The following PRKN variants were observed in gnomAD, a reference collection of about 807,000 sequenced individuals.
PRKN encodes the protein E3 ubiquitin-protein ligase parkin.
Under a neutral mutation model 59.5 loss-of-function variants are expected in PRKN, and 56 were observed. That is an observed-to-expected ratio of 0.94 (90% CI 0.76 to 1.18). The LOEUF is 1.18. Among genes scored for constraint, PRKN ranks in the 50% most tolerant of loss-of-function variants. The pLI, the probability that PRKN is intolerant of heterozygous loss-of-function variation, is 0.00. For synonymous variants in PRKN, 250 were observed against 222.1 expected (o/e 1.13, Z -1.12); for missense variants, 657 against 596.4 (o/e 1.10, Z -1.06).
chr6:161,535,642 A>G (rs1330350166), intron 9 of PRKN, among the ~76,000 whole-genome samples: 1 of 152,200 alleles, frequency 6.6e-6, no homozygotes, highest in Non-Finnish European at 1.5e-5. Context: ...TCTCTGTCGG[A>G]ATACGAGTAC....
chr6:161,525,822 T>C lies in PRKN; in HGVS notation c.1083+23032A>G, dbSNP rs1216896918. Among the ~76,000 whole-genome samples, 3 of 152,190 alleles carry C rather than the reference T, an allele frequency of 2.0e-5. No homozygotes were observed. Among genetic ancestry groups the C allele is most frequent in the Non-Finnish European group, 2.9e-5 (2 of 68,030 alleles). ...TTCTGTATACTACTTGGCTATAGAA[T>C]AGCCTACAGATATAATAAAAAATAA... On this transcript the variant is annotated intron_variant, in intron 9 of 11. Transcript: ENST00000366898. This position sits in a 1 kb window ranked among gnomAD's most constrained non-coding sequence, Gnocchi z 4.7.
intron 4 of PRKN, among the ~76,000 whole-genome samples, chr6:162,108,106 G>T (rs1780271422): frequency 6.6e-6 from 1 of 152,228 alleles, no homozygotes; most frequent in Non-Finnish European, 1.5e-5. Context: ...CGTTCAGTTT[G>T]CTCCAAACAT....
rs143006526 is a variant in PRKN, at chr6:161,885,833, G to A, written c.734+87469C>T. On this transcript the variant is annotated intron_variant, in intron 6 of 11. Coordinates refer to ENST00000366898, the MANE Select transcript of PRKN (RefSeq NM_004562.3). ...AATTACTGATATTCACTGTGCAGGT[G>A]GACACTGGCTCCATCATTCAGACTC... Among the ~76,000 whole-genome samples, 227 of 152,216 alleles carry A rather than the reference G, an allele frequency of 1.5e-3. 1 individual carries two copies. Among genetic ancestry groups the A allele is most frequent in the African/African-American group, 5.0e-3 (208 of 41,514 alleles).
chr6:162,192,243 C>T (rs575592153), intron 4 of PRKN, among the ~76,000 whole-genome samples: 14 of 152,006 alleles, frequency 9.2e-5, no homozygotes, highest in Non-Finnish European at 1.6e-4. Context: ...CATGTCACTA[C>T]TAACTGACAG....
chr6:162,294,930 T>C (rs1302687872), intron 2 of PRKN, among the ~76,000 whole-genome samples: 1 of 152,202 alleles, frequency 6.6e-6, no homozygotes. Flanking sequence ...GAACGAGACC[T>C]GGATCTGGGT....
intron 2 of PRKN, among the ~76,000 whole-genome samples, chr6:162,328,829 T>A (rs929398035): frequency 6.6e-6 from 1 of 152,138 alleles, no homozygotes; most frequent in Non-Finnish European, 1.5e-5. Context: ...CCAATGGTCA[T>A]GCCCGGTTCC....
At chr6:162,325,653 G>A (rs1783235039) in intron 2 of PRKN, among the ~76,000 whole-genome samples, 2 of 152,050 alleles carry the variant, frequency 1.3e-5, no homozygotes, top group Non-Finnish European at 2.9e-5. Flanking sequence ...CAAGCTTCCT[G>A]AATTTCACAT....
At chr6:162,133,501 C>T (rs1232805144) in intron 4 of PRKN, among the ~76,000 whole-genome samples, 1 of 152,094 alleles carries the variant, frequency 6.6e-6, no homozygotes, top group Non-Finnish European at 1.5e-5. Context: ...ATTTGAGATG[C>T]TAGTTCCCCA....
chr6:162,096,848 A>ATTTTTTTTTTTTT lies in PRKN; in HGVS notation c.535-42687_535-42675dup, dbSNP rs71004079. Among the ~76,000 whole-genome samples, 11 of 49,206 alleles carry ATTTTTTTTTTTTT rather than the reference A, an allele frequency of 2.2e-4. 3 individuals carry two copies. Among genetic ancestry groups the ATTTTTTTTTTTTT allele is most frequent in the African/African-American group, 8.9e-4 (10 of 11,240 alleles). The allele number at this position is 49,206 out of a possible 152,430, so 32.3% of individuals were successfully genotyped here. ...GTGAGAATGGACTCATACAGCTGGAATTTTTTTTTTTTTTTTTTTTTTTTT... is the reference window on the plus strand; with the variant it reads ...GTGAGAATGGACTCATACAGCTGGAATTTTTTTTTTTTTTTTTTTTTTTTTTTTTTTTTTTTTT... On this transcript the variant is annotated intron_variant, in intron 4 of 11. Transcript: ENST00000366898.
intron 7 of PRKN, among the ~76,000 whole-genome samples, chr6:161,688,373 C>A (rs1236140193): frequency 6.6e-6 from 1 of 152,162 alleles, no homozygotes; most frequent in African/African-American, 2.4e-5. Flanking sequence ...TCTGGGCTCC[C>A]AAAACATGGG....
intron 4 of PRKN, among the ~76,000 whole-genome samples, chr6:162,134,661 T>C (rs1385062451): frequency 6.6e-6 from 1 of 152,198 alleles, no homozygotes. Context: ...GATTTGGACC[T>C]GCTTCTCTTT....
At chr6:161,777,793 G>GT (rs200958113) in intron 7 of PRKN, among the ~76,000 whole-genome samples, 20 of 136,264 alleles carry the variant, frequency 1.5e-4, no homozygotes, top group African/African-American at 5.0e-4. Flanking sequence ...ATGTATATAT[G>GT]ATATATGTAT....
chr6:161,631,476 C>A (rs1035459220), intron 7 of PRKN, among the ~76,000 whole-genome samples: 1 of 152,102 alleles, frequency 6.6e-6, no homozygotes, highest in African/African-American at 2.4e-5. Context: ...TGCAACAAAT[C>A]CATGGCACAA....
chr6:162,350,284 C>T (rs1038222431), intron 2 of PRKN, among the ~76,000 whole-genome samples: 1 of 152,112 alleles, frequency 6.6e-6, no homozygotes, highest in African/African-American at 2.4e-5. Flanking sequence ...CCAAATTCAT[C>T]TATAGATTCA....
At chr6:162,655,237 G>A (rs189396297) in intron 1 of PRKN, among the ~76,000 whole-genome samples, 9 of 151,960 alleles carry the variant, frequency 5.9e-5, no homozygotes, top group East Asian at 1.9e-4. Context: ...AGCTTTATCC[G>A]CCATGAAGTC....
chr6:161,799,508 C>T (rs1790993346), intron 6 of PRKN, among the ~76,000 whole-genome samples: 1 of 152,146 alleles, frequency 6.6e-6, no homozygotes, highest in Admixed American at 6.5e-5. Context: ...TGGAGAGCAC[C>T]CAATACTTGC....
At chr6:161,642,522 A>T (rs781032212) in intron 7 of PRKN, among the ~76,000 whole-genome samples, 13 of 152,200 alleles carry the variant, frequency 8.5e-5, no homozygotes, top group Non-Finnish European at 1.8e-4. Flanking sequence ...TCTGGAAATC[A>T]AAAGGAAGAT....
intron 8 of PRKN, among the ~76,000 whole-genome samples, chr6:161,563,381 T>C (rs1344245151): frequency 6.6e-6 from 1 of 152,212 alleles, no homozygotes; most frequent in Non-Finnish European, 1.5e-5. Context: ...CTGGTATAAA[T>C]GGAGGTACTT....
intron 3 of PRKN, among the ~76,000 whole-genome samples, chr6:162,207,688 C>T (rs1785009590): frequency 6.6e-6 from 1 of 152,146 alleles, no homozygotes; most frequent in Non-Finnish European, 1.5e-5. Context: ...CTCATGTGCA[C>T]ACCACTGGCC....
Sources: gnomAD v4.1 joint callset for allele counts (sites outside exome capture counted in the v4.1 genomes callset) on GRCh38, gnomAD v4.1.1 for gene constraint, Gnocchi (gnomAD v3.1) non-coding constraint, MANE v1.5 for transcripts, NCBI Gene and HGNC (gene_info 2026-07-23, HGNC 2026-07-21) for gene names.